SKAP1: variants seen among roughly 807,000 people sequenced by gnomAD.
The protein encoded by SKAP1 is src kinase-associated phosphoprotein 1.
In SKAP1, 44 loss-of-function variants were observed where a neutral mutation model predicts 58.5. That is an observed-to-expected ratio of 0.75 (90% CI 0.59 to 0.97). The LOEUF is 0.97. SKAP1 is among the 50% of genes least tolerant of loss of function. SKAP1 has a pLI of 0.00. For synonymous variants in SKAP1, 127 were observed against 149.7 expected (o/e 0.85, Z 1.11); for missense variants, 390 against 435.2 (o/e 0.90, Z 0.92).
At chr17:48,345,198 C>G (rs1186278944) in intron 4 of SKAP1, among the ~76,000 whole-genome samples, 3 of 152,110 alleles carry the variant, frequency 2.0e-5, no homozygotes, top group Non-Finnish European at 2.9e-5. Flanking sequence ...AAACTGGCAG[C>G]CATCAGGCCA....
intron 4 of SKAP1, among the ~76,000 whole-genome samples, chr17:48,221,373 G>A (rs1289103567): frequency 6.6e-6 from 1 of 152,152 alleles, no homozygotes; most frequent in African/African-American, 2.4e-5. Flanking sequence ...AACTATCAAA[G>A]TAGTTTGTTA....
rs186628128 is a variant in SKAP1 at position 48,416,268 on chromosome 17, A to C, written c.46+13807T>G. Among the ~76,000 whole-genome samples, 966 of 152,204 alleles carry C rather than the reference A, an allele frequency of 6.3e-3. 5 individuals are homozygous for C. The highest frequency in any genetic ancestry group is 0.011 in the South Asian group (52 of 4,832). ...TTTATCTTGCAGACACTTCACTCTG[A>C]ATACTTTGAAGCAGTTAAAACCTAA... On this transcript the variant is annotated intron_variant, in intron 1 of 12. Coordinates refer to ENST00000336915, the MANE Select transcript of SKAP1 (RefSeq NM_003726.4).
chr17:48,170,536 G>T, intron 10 of SKAP1, 73 bp downstream of exon 10: 1 of 1,304,534 alleles, frequency 7.7e-7, no homozygotes, highest in South Asian at 1.2e-5. Context: ...TGTAGTCTCA[G>T]AGAAAGGTGC....
chr17:48,353,897 C>CA (rs200738005), intron 3 of SKAP1, among the ~76,000 whole-genome samples: 2,343 of 60,040 alleles, frequency 0.039, 32 homozygotes, highest in Non-Finnish European at 0.051. Context: ...GACTCTGTCT[C>CA]AAAAAAAAAA....
At chr17:48,432,341 AT>A (rs1416628726), upstream of SKAP1, among the ~76,000 whole-genome samples, 9 of 152,202 alleles carry the variant, frequency 5.9e-5, no homozygotes, top group African/African-American at 2.2e-4. Flanking sequence ...AGGCAGGAGA[AT>A]CACATGAACC....
At chr17:48,358,721 G>T (rs1003152059) in intron 3 of SKAP1, among the ~76,000 whole-genome samples, 1 of 152,138 alleles carries the variant, frequency 6.6e-6, no homozygotes, top group Non-Finnish European at 1.5e-5. Context: ...CCTACTTTGA[G>T]ACATAATATT....
chr17:48,311,059 T>A (rs1011376431), intron 4 of SKAP1, among the ~76,000 whole-genome samples: 1 of 152,116 alleles, frequency 6.6e-6, no homozygotes, highest in African/African-American at 2.4e-5. Flanking sequence ...GTTGAGTAAA[T>A]GCATGTGCAC....
intron 4 of SKAP1, among the ~76,000 whole-genome samples, chr17:48,274,594 G>A (rs1188977994): frequency 1.3e-5 from 2 of 152,000 alleles, no homozygotes; most frequent in East Asian, 3.9e-4. Context: ...TGCTCAGAAG[G>A]CTGAGGCAGA....
chr17:48,271,358 G>GTTTTTTTT (rs2065630105), intron 4 of SKAP1, among the ~76,000 whole-genome samples: 1 of 120,660 alleles, frequency 8.3e-6, no homozygotes, highest in Non-Finnish European at 1.8e-5. Flanking sequence ...TTGTTTCTTT[G>GTTTTTTTT]TTTCTTTTTT....
chr17:48,196,886 T>C (rs1457505160), intron 4 of SKAP1: 1 of 152,176 alleles, frequency 6.6e-6, no homozygotes, highest in Non-Finnish European at 1.5e-5. Context: ...TAGAGCAAAA[T>C]ACAAGAAAGT....
chr17:48,275,537 A>G (rs1178440640), intron 4 of SKAP1, among the ~76,000 whole-genome samples: 1 of 152,022 alleles, frequency 6.6e-6, no homozygotes, highest in Non-Finnish European at 1.5e-5. Context: ...ATCTTTTTTC[A>G]TCTCTGAAAA....
At chr17:48,346,630 A>C (rs1429174509) in intron 3 of SKAP1, among the ~76,000 whole-genome samples, 1 of 152,112 alleles carries the variant, frequency 6.6e-6, no homozygotes, top group Non-Finnish European at 1.5e-5. Context: ...ATCTAAAAAA[A>C]AAAAGAATTA....
At chr17:48,415,690 C>T (rs2067724458) in intron 1 of SKAP1, among the ~76,000 whole-genome samples, 1 of 152,144 alleles carries the variant, frequency 6.6e-6, no homozygotes, top group African/African-American at 2.4e-5. Context: ...TCACCTCCTC[C>T]CTACGTGGGG....
chr17:48,439,865 T>C, the SKAP1 span, among the ~76,000 whole-genome samples: 1 of 152,150 alleles, frequency 6.6e-6, no homozygotes, highest in African/African-American at 2.4e-5. Flanking sequence ...TCTGACAATG[T>C]TGGGGCCCTT....
intron 10 of SKAP1, among the ~76,000 whole-genome samples, chr17:48,164,242 C>T (rs977523749): frequency 1.8e-4 from 27 of 151,998 alleles, no homozygotes; most frequent in African/African-American, 6.3e-4. Flanking sequence ...GATTAATTAC[C>T]CCAAGATTTT....
At chr17:48,394,336 T>C (rs1414841116) in intron 2 of SKAP1, among the ~76,000 whole-genome samples, 1 of 152,136 alleles carries the variant, frequency 6.6e-6, no homozygotes, top group Non-Finnish European at 1.5e-5. Context: ...TTGCCGTATG[T>C]TTATTTTTTA....
intron 9 of SKAP1, among the ~76,000 whole-genome samples, chr17:48,177,892 TGTTTCC>T (rs921879773): frequency 1.3e-5 from 2 of 152,182 alleles, no homozygotes; most frequent in Admixed American, 6.5e-5. Flanking sequence ...GTTTAGCTGT[TGTTTCC>T]CTAACCTGCA....
At chr17:48,186,226 A>G (rs1226079451) in intron 6 of SKAP1, among the ~76,000 whole-genome samples, 1 of 152,124 alleles carries the variant, frequency 6.6e-6, no homozygotes, top group Non-Finnish European at 1.5e-5. Context: ...GCTGGGTTGG[A>G]GAGTGGGCTG....
intron 4 of SKAP1, among the ~76,000 whole-genome samples, chr17:48,282,416 A>G (rs995219223): frequency 2.0e-5 from 3 of 152,162 alleles, no homozygotes; most frequent in African/African-American, 7.2e-5. Flanking sequence ...GTTCTCATCT[A>G]TCCTTCACCC....
Sources: allele counts gnomAD v4.1 joint callset (sites outside exome capture counted in the v4.1 genomes callset), GRCh38; gene constraint gnomAD v4.1.1; transcripts MANE v1.5; gene names NCBI Gene and HGNC (gene_info 2026-07-23, HGNC 2026-07-21).